KLHL29: variants seen among roughly 807,000 people sequenced by gnomAD.
The protein encoded by KLHL29 is kelch-like protein 29.
KLHL29 carries 21 observed loss-of-function variants against 80.4 expected under a neutral mutation model. That is an observed-to-expected ratio of 0.26 (90% CI 0.19 to 0.38). The LOEUF (loss-of-function observed/expected upper bound fraction) is 0.38. KLHL29 is among the 10% of genes least tolerant of loss of function. KLHL29 has a pLI of 1.00. For missense variants in KLHL29, 867 were observed against 1,223.9 expected (o/e 0.71, Z 4.35); for synonymous variants, 511 against 526.8 (o/e 0.97, Z 0.41).
chr2:23,686,125 G>T (rs149388556), intron 6 of KLHL29, among the ~76,000 whole-genome samples: 267 of 150,508 alleles, frequency 1.8e-3, no homozygotes, highest in Non-Finnish European at 2.3e-3. Flanking sequence ...CCAGGCCGGG[G>T]ATGGGGCATG....
Position 23,495,108 on chromosome 2 carries a change from G to C in KLHL29, c.-46+19441G>C, listed in dbSNP as rs190620134. Among the ~76,000 whole-genome samples, 8 of 152,036 alleles carry C rather than the reference G, an allele frequency of 5.3e-5. No homozygotes were observed. In the East Asian group the frequency reaches 1.5e-3, roughly 29 times the overall value. ...ACTCCTGGCCTCAAGCAATTTTCTC[G>C]AACTCCTGGCCTCAAGCAATTTTCA... On this transcript the variant is annotated intron_variant, in intron 2 of 13. Coordinates refer to ENST00000486442, the MANE Select transcript of KLHL29 (RefSeq NM_052920.2).
At chr2:23,671,316 C>G (rs1670751052) in intron 5 of KLHL29, among the ~76,000 whole-genome samples, 1 of 151,948 alleles carries the variant, frequency 6.6e-6, no homozygotes, top group Non-Finnish European at 1.5e-5. Flanking sequence ...CTGCTGCCTG[C>G]CCCATGCCCA....
At chr2:23,390,032 C>G (rs1003975328) in intron 1 of KLHL29, among the ~76,000 whole-genome samples, 3 of 152,120 alleles carry the variant, frequency 2.0e-5, no homozygotes, top group African/African-American at 7.2e-5. Context: ...TCAGGACCAC[C>G]CTGAAAGCAA....
intron 2 of KLHL29, among the ~76,000 whole-genome samples, chr2:23,525,318 T>G (rs1335663913): frequency 6.6e-6 from 1 of 152,276 alleles, no homozygotes; most frequent in Non-Finnish European, 1.5e-5. Context: ...AGAGGACACT[T>G]CTGGGGTTTG....
intron 8 of KLHL29, among the ~76,000 whole-genome samples, chr2:23,694,063 TA>T (rs1671790592): frequency 6.6e-6 from 1 of 152,278 alleles, no homozygotes; most frequent in South Asian, 2.1e-4. Flanking sequence ...ATGGGGCAGC[TA>T]ATAACAGTGA....
chr2:23,642,248 A>C (rs1176580099), intron 4 of KLHL29, 90 bp from the exon 5 acceptor site: 1 of 1,231,236 alleles, frequency 8.1e-7, no homozygotes, highest in Non-Finnish European at 1.1e-6. Context: ...CCCCTCTGTG[A>C]CCTAGCACCC....
At chr2:23,637,209 G>A (rs776020306) in intron 3 of KLHL29, among the ~76,000 whole-genome samples, 1 of 152,188 alleles carries the variant, frequency 6.6e-6, no homozygotes, top group East Asian at 1.9e-4. Flanking sequence ...CTCTGATTCC[G>A]AGGAAAGCAA....
rs1001193508 is a variant in KLHL29 at position 23,696,604 on chromosome 2, G to T, written c.2105+91G>T. 3.8e-6 allele frequency: 4 copies of T among 1,044,914 alleles called. No homozygotes were observed. The highest frequency in any genetic ancestry group is 3.2e-5 in the African/African-American group (2 of 62,306). The allele number at this position is 1,044,914 out of a possible 1,614,324, so 64.7% of individuals were successfully genotyped here. ...CACTGTACCTCCCAACACCCACTCA[G>T]TGGCGATGGAGCAGAGCCTGGACCA... On this transcript the variant is annotated intron_variant, in intron 11 of 13. Coordinates refer to ENST00000486442, the MANE Select transcript of KLHL29 (RefSeq NM_052920.2). This position sits in a 1 kb window ranked among gnomAD's most constrained non-coding sequence, Gnocchi z 5.5.
intron 5 of KLHL29, among the ~76,000 whole-genome samples, chr2:23,664,573 T>C (rs1221292825): frequency 6.6e-6 from 1 of 152,142 alleles, no homozygotes; most frequent in Non-Finnish European, 1.5e-5. Context: ...GAGGCGGGGA[T>C]AGATGTTTCC....
intron 13 of KLHL29, among the ~76,000 whole-genome samples, chr2:23,704,300 G>C (rs1239993131): frequency 1.3e-5 from 2 of 152,202 alleles, no homozygotes; most frequent in Non-Finnish European, 2.9e-5. Context: ...GCTGTGCTCA[G>C]AGTCCCAAAG....
At chr2:23,393,371 G>T (rs934938881) in intron 1 of KLHL29, among the ~76,000 whole-genome samples, 1 of 152,192 alleles carries the variant, frequency 6.6e-6, no homozygotes, top group African/African-American at 2.4e-5. Context: ...TAGGATTTAT[G>T]ATTTGAGACT....
rs1246853671 is a variant in KLHL29 at position 23,691,661 on chromosome 2, T to A, written c.1080-13T>A. On this transcript the variant is annotated splice_polypyrimidine_tract_variant and intron_variant, in intron 6 of 13. Coordinates refer to ENST00000486442, the MANE Select transcript of KLHL29 (RefSeq NM_052920.2). Reference sequence around the variant, plus strand: ...AGGGCAGGAGGTAAGGACACCCTGGTCTCTGTGCCTAGGTCCGTGCAAGAC... The same window carrying A: ...AGGGCAGGAGGTAAGGACACCCTGGACTCTGTGCCTAGGTCCGTGCAAGAC... The A allele has an allele frequency of 6.4e-7, 1 of 1,551,196 alleles. No individual in the cohort carries two copies. The highest frequency in any genetic ancestry group is 8.7e-7 in the Non-Finnish European group (1 of 1,146,710).
chr2:23,703,351 G>T lies in KLHL29; in HGVS notation c.2271G>T (p.Thr757=). The T allele has an allele frequency of 3.3e-6, 5 of 1,524,754 alleles. No individual in the cohort carries two copies. Among genetic ancestry groups the T allele is most frequent in the Non-Finnish European group, 3.5e-6 (4 of 1,136,764 alleles). The allele number at this position is 1,524,754 out of a possible 1,614,324, so 94.5% of individuals were successfully genotyped here. A position where few individuals can be genotyped will look rare whatever the true frequency, so the allele number is the denominator to read the frequency against. ...VLQSYVPQTN[T]WSFIESPMID... ...AGTCTTACGTTCCTCAGACCAACAC[G>T]TGGAGCTTCATCGAGTCCCCAATGA... The change falls in exon 12 of 14, where the codon ACG becomes ACT. Residue 757 remains threonine (T), a synonymous_variant. Coordinates refer to ENST00000486442, the MANE Select transcript of KLHL29 (RefSeq NM_052920.2).
At chr2:23,685,441 C>T (rs1294590475) in intron 6 of KLHL29, 1 of 152,312 alleles carries the variant, frequency 6.6e-6, no homozygotes, top group African/African-American at 2.4e-5. Flanking sequence ...GGGGCAGACG[C>T]TGAGCCGGGA....
At chr2:23,637,393 C>T (rs1396503052) in intron 3 of KLHL29, among the ~76,000 whole-genome samples, 1 of 152,178 alleles carries the variant, frequency 6.6e-6, no homozygotes, top group East Asian at 1.9e-4. Context: ...TCCCCAACCC[C>T]CTCTCCTCCC....
At chr2:23,416,840 G>C (rs1480734334) in intron 1 of KLHL29, among the ~76,000 whole-genome samples, 1 of 152,086 alleles carries the variant, frequency 6.6e-6, no homozygotes, top group Non-Finnish European at 1.5e-5. Flanking sequence ...TAAAACAATG[G>C]TTCCCAAATC....
At position 23,633,756 on chromosome 2, in the gene KLHL29, CGTGTGTG is replaced by C. The variant is rs1459179099; in HGVS notation, c.286-5382_286-5376del. Among the ~76,000 whole-genome samples the C allele has an allele frequency of 1.9e-3, 275 of 147,238 alleles. 2 individuals carry two copies. Among genetic ancestry groups the C allele is most frequent in the African/African-American group, 5.4e-3 (213 of 39,168 alleles). ...TCTCTGTCAAAAGAGTCACAGCACT[CGTGTGTG>C]TGTGTGTGTGTGTGTGTGTGTGTGT... On this transcript the variant is annotated intron_variant, in intron 3 of 13. Transcript: ENST00000486442.
chr2:23,462,759 A>T (rs1428836925), intron 1 of KLHL29, among the ~76,000 whole-genome samples: 1 of 152,154 alleles, frequency 6.6e-6, no homozygotes, highest in Non-Finnish European at 1.5e-5. Flanking sequence ...AATATATTAA[A>T]TTTTTTTGAA....
At chr2:23,396,466 T>C (rs1350248679) in intron 1 of KLHL29, among the ~76,000 whole-genome samples, 1 of 152,202 alleles carries the variant, frequency 6.6e-6, no homozygotes, top group East Asian at 1.9e-4. Flanking sequence ...ATTTAGCCAA[T>C]GGGAAGACAT....
Sources: allele counts gnomAD v4.1 joint callset (sites outside exome capture counted in the v4.1 genomes callset), GRCh38; gene constraint gnomAD v4.1.1; non-coding constraint Gnocchi (gnomAD v3.1); transcripts MANE v1.5; gene names NCBI Gene and HGNC (gene_info 2026-07-23, HGNC 2026-07-21).